Variants in MDM2 observed in about 807,000 individuals in gnomAD.
The protein encoded by MDM2 is E3 ubiquitin-protein ligase Mdm2.
Under a neutral mutation model 64.3 loss-of-function variants are expected in MDM2, and 11 were observed. The observed-to-expected ratio is 0.17, with a 90% CI of 0.11 to 0.28. The LOEUF (loss-of-function observed/expected upper bound fraction) is 0.28, where lower values mean the gene tolerates loss of function less well. Among genes scored for constraint, MDM2 ranks in the 10% least tolerant of loss-of-function variants. The pLI is 1.00. For missense variants in MDM2, 388 were observed against 577.1 expected (o/e 0.67, Z 3.36); for synonymous variants, 194 against 192.9 (o/e 1.01, Z -0.05).
intron 8 of MDM2, among the ~76,000 whole-genome samples, chr12:68,831,179 G>A (rs998357223): frequency 6.6e-6 from 1 of 152,156 alleles, no homozygotes; most frequent in Non-Finnish European, 1.5e-5. Flanking sequence ...ACGGACACAC[G>A]TGGAGTGGTT....
intron 2 of MDM2, 118 bp from the exon 3 acceptor site, chr12:68,813,436 A>C: frequency 1.5e-6 from 1 of 650,830 alleles, no homozygotes. Context: ...TAATGATTAG[A>C]TCCTCCCCAG....
At position 68,840,632 on chromosome 12, in the gene MDM2, A is replaced by G. The variant is rs548627051; in HGVS notation, c.*783A>G. On this transcript the variant is annotated 3_prime_UTR_variant, in exon 11 of 11. Coordinates refer to ENST00000258149, the MANE Select transcript of MDM2 (RefSeq NM_002392.6). ...GCCATTCTCCTGGCTCAGCCTCTGG[A>G]GCAGCTGGGATTACAGGCATGCACC... The G allele has an allele frequency of 5.1e-5, 9 of 175,622 alleles. No homozygotes were observed. In the East Asian group the frequency reaches 8.8e-4, roughly 17 times the overall value. 10.9% of individuals were successfully genotyped at this position (175,622 alleles called of 1,614,324 possible). A position where few individuals can be genotyped will look rare whatever the true frequency, so the allele number is the denominator to read the frequency against.
downstream of MDM2, chr12:68,847,452 C>CTTTTTTTTTTTTTTTTTTTT (rs772905678): frequency 1.1e-5 from 1 of 88,694 alleles, no homozygotes; most frequent in African/African-American, 5.6e-5. Flanking sequence ...TATCTCCTTT[C>CTTTTTTTTTTTTTTTTTTTT]TTTTTTTTTT....
At chr12:68,835,437 G>A (rs1210937273) in intron 8 of MDM2, among the ~76,000 whole-genome samples, 1 of 152,230 alleles carries the variant, frequency 6.6e-6, no homozygotes, top group Non-Finnish European at 1.5e-5. Flanking sequence ...TAAGGGAGGA[G>A]GGGTGTCTAG....
At chr12:68,836,484 C>T in intron 9 of MDM2, 188 bp from the exon 10 acceptor site, 1 of 475,498 alleles carries the variant, frequency 2.1e-6, no homozygotes, top group South Asian at 3.1e-5. Flanking sequence ...TTGACTTTTA[C>T]CATTGTGGGT....
intron 7 of MDM2, among the ~76,000 whole-genome samples, chr12:68,826,804 G>A (rs753985024): frequency 3.3e-5 from 5 of 152,056 alleles, no homozygotes; most frequent in South Asian, 2.1e-4. Context: ...ATTGCAGCCC[G>A]GCCAAGATCA....
intron 3 of MDM2, chr12:68,815,532 C>A: frequency 4.8e-6 from 1 of 206,306 alleles, no homozygotes; most frequent in South Asian, 4.6e-5. Context: ...GCCTGGACCT[C>A]GTGGGCTCAG....
At position 68,844,637 on chromosome 12, in the gene MDM2, G is replaced by A. The variant is rs935089146; in HGVS notation, c.*4788G>A. 4.4e-6 allele frequency: 1 copy of A among 226,564 alleles called. No homozygotes were observed. Among genetic ancestry groups the A allele is most frequent in the Non-Finnish European group, 8.8e-6 (1 of 114,110 alleles). 14.0% of individuals were successfully genotyped at this position (226,564 alleles called of 1,614,324 possible). On this transcript the variant is annotated 3_prime_UTR_variant, in exon 11 of 11. Transcript: ENST00000258149. ...AACCTCTTGATTGTGAGGCACAAAT[G>A]TAAGTACATCAGAAAAAAACAAAAA...
In MDM2 at chr12:68,845,442, C is replaced by T. The variant is rs914206739; in HGVS notation, c.*5593C>T. ...AACCGTAAAGCAAGCAGATGGGAGG[C>T]GTGTTCAGTAACTTATTCATAATGC... On this transcript the variant is annotated 3_prime_UTR_variant, in exon 11 of 11. Coordinates refer to ENST00000258149, the MANE Select transcript of MDM2 (RefSeq NM_002392.6). 41 of 207,378 alleles carry T rather than the reference C, an allele frequency of 2.0e-4. No individual in the cohort carries two copies. The Admixed American group carries it at 2.3e-3, about 11-fold the overall frequency. 12.8% of individuals were successfully genotyped at this position (207,378 alleles called of 1,614,324 possible).
Position 68,844,720 on chromosome 12 carries a change from G to T in MDM2, c.*4871G>T, listed in dbSNP as rs1023036728. 4.6e-6 allele frequency: 1 copy of T among 215,614 alleles called. No homozygotes were observed. Among genetic ancestry groups the T allele is most frequent in the African/African-American group, 2.3e-5 (1 of 44,312 alleles). 13.4% of individuals were successfully genotyped at this position (215,614 alleles called of 1,614,324 possible). A position where few individuals can be genotyped will look rare whatever the true frequency, so the allele number is the denominator to read the frequency against. On this transcript the variant is annotated 3_prime_UTR_variant, in exon 11 of 11. Transcript: ENST00000258149. The stretch of plus-strand genomic sequence containing the variant: ...TAAGCCAGACGGGGACTAGCTTTTG[G>T]CATTATATAATTAAGATTTTTTAAA...
intron 8 of MDM2, among the ~76,000 whole-genome samples, chr12:68,831,311 C>T (rs1882776036): frequency 6.6e-6 from 1 of 152,192 alleles, no homozygotes; most frequent in Admixed American, 6.5e-5. Context: ...TCTGACAATA[C>T]TAGCCAGTTT....
Position 68,842,010 on chromosome 12 carries a change from A to G in MDM2, c.*2161A>G, listed in dbSNP as rs542963064. On this transcript the variant is annotated 3_prime_UTR_variant, in exon 11 of 11. Coordinates refer to ENST00000258149, the MANE Select transcript of MDM2 (RefSeq NM_002392.6). ...AGCTGTTGCAAGGTGTTCAGATTGT[A>G]TAAACATAAATGTCACAAAAACTTT... is the stretch of plus-strand genomic sequence containing the variant. 4.9e-5 allele frequency: 20 copies of G among 405,400 alleles called. No individual in the cohort carries two copies. The highest frequency in any genetic ancestry group is 3.6e-4 in the African/African-American group (18 of 49,472). The allele number at this position is 405,400 out of a possible 1,614,324, so 25.1% of individuals were successfully genotyped here. A position where few individuals can be genotyped will look rare whatever the true frequency, so the allele number is the denominator to read the frequency against.
chr12:68,839,223 T>G, intron 10 of MDM2, 51 bp from the exon 11 acceptor site: 1 of 1,535,632 alleles, frequency 6.5e-7, no homozygotes, highest in Non-Finnish European at 8.8e-7. Flanking sequence ...TTCCTGTGAC[T>G]GAGCAGTTAA....
At chr12:68,820,487 A>C in intron 5 of MDM2, 113 bp downstream of exon 5, 1 of 775,258 alleles carries the variant, frequency 1.3e-6, no homozygotes, top group Non-Finnish European at 2.1e-6. Context: ...GCTTTAATTA[A>C]ATATTGTAAT....
intron 8 of MDM2, among the ~76,000 whole-genome samples, chr12:68,835,066 A>G (rs1883197486): frequency 6.6e-6 from 1 of 152,220 alleles, no homozygotes; most frequent in Non-Finnish European, 1.5e-5. Context: ...CTAAGAAAAA[A>G]AACCCATAAG....
Position 68,841,608 on chromosome 12 carries a change from G to A in MDM2, c.*1759G>A, listed in dbSNP as rs2136184258. The A allele has an allele frequency of 4.8e-6, 1 of 209,014 alleles. No individual in the cohort carries two copies. The highest frequency in any genetic ancestry group is 9.7e-6 in the Non-Finnish European group (1 of 102,830). 12.9% of individuals were successfully genotyped at this position (209,014 alleles called of 1,614,324 possible). A position where few individuals can be genotyped will look rare whatever the true frequency, so the allele number is the denominator to read the frequency against. ...AATGGAATCTGTTGTTTCCCCCTAA[G>A]TTGAAAAACAACTCTAAGACACTTT... On this transcript the variant is annotated 3_prime_UTR_variant, in exon 11 of 11. Coordinates refer to ENST00000258149, the MANE Select transcript of MDM2 (RefSeq NM_002392.6).
chr12:68,840,473 G>C lies in MDM2; in HGVS notation c.*624G>C. On this transcript the variant is annotated 3_prime_UTR_variant, in exon 11 of 11. Coordinates refer to ENST00000258149, the MANE Select transcript of MDM2 (RefSeq NM_002392.6). Reference sequence around the variant, plus strand: ...TGTCACTTAGTACCTTTGATATAAAGAGAAAATGTGTGAAAGATTTAGTTT... The same window carrying C: ...TGTCACTTAGTACCTTTGATATAAACAGAAAATGTGTGAAAGATTTAGTTT... 1 of 186,178 alleles carries C rather than the reference G, an allele frequency of 5.4e-6. No homozygotes were observed. Among genetic ancestry groups the C allele is most frequent in the East Asian group, 8.6e-5 (1 of 11,622 alleles). The allele number at this position is 186,178 out of a possible 1,614,324, so 11.5% of individuals were successfully genotyped here. A position where few individuals can be genotyped will look rare whatever the true frequency, so the allele number is the denominator to read the frequency against.
intron 8 of MDM2, among the ~76,000 whole-genome samples, chr12:68,833,589 A>G (rs1488581281): frequency 6.6e-6 from 1 of 151,626 alleles, no homozygotes; most frequent in African/African-American, 2.4e-5. Flanking sequence ...AGGAGTTGGC[A>G]AACTTTCTGT....
At chr12:68,822,617 T>G (rs776956465) in intron 5 of MDM2, among the ~76,000 whole-genome samples, 1 of 152,206 alleles carries the variant, frequency 6.6e-6, no homozygotes, top group South Asian at 2.1e-4. Flanking sequence ...AAATAAACTT[T>G]GGCACATTAC....
Sources: gnomAD v4.1 joint callset for allele counts (sites outside exome capture counted in the v4.1 genomes callset) on GRCh38, gnomAD v4.1.1 for gene constraint, MANE v1.5 for transcripts, NCBI Gene and HGNC (gene_info 2026-07-23, HGNC 2026-07-21) for gene names.